Variants in NOXA1 observed in about 807,000 individuals in gnomAD.
The protein encoded by NOXA1 is NADPH oxidase activator 1.
Under a neutral mutation model 64.8 loss-of-function variants are expected in NOXA1, and 56 were observed. The ratio of observed to expected loss-of-function variants is 0.86; its 90% CI spans 0.70 to 1.08. NOXA1 has a LOEUF of 1.08. Among genes scored for constraint, NOXA1 ranks in the 50% least tolerant of loss-of-function variants. The pLI is 0.00. For missense variants in NOXA1, 668 were observed against 658.5 expected (o/e 1.01, Z -0.16); for synonymous variants, 295 against 294.8 (o/e 1.00, Z -0.01).
Position 137,432,642 on chromosome 9 carries a change from T to C in NOXA1, c.805-387T>C, listed in dbSNP as rs148947634. Among the ~76,000 whole-genome samples the C allele has an allele frequency of 3.2e-3, 491 of 152,378 alleles. 3 individuals carry two copies. The highest frequency in any genetic ancestry group is 0.017 in the Middle Eastern group (5 of 294). On this transcript the variant is annotated intron_variant, in intron 8 of 13. Transcript: ENST00000683555. ...CAGCGCTGGGCTGTGACTTTGTGAC[T>C]TGCAGCTGGTGAACTGGTCTCCTGC...
rs189328207 is a variant in NOXA1 at position 137,423,844 on chromosome 9, G to T, written c.177+138G>T. The stretch of plus-strand genomic sequence containing the variant: ...GCGAACGCCCCGGCAGGTGGGAGCC[G>T]AGCAGGGGGGCCGCACCTGAGCTAA... On this transcript the variant is annotated intron_variant, in intron 1 of 13. Transcript: ENST00000683555. The T allele has an allele frequency of 4.2e-3, 2,975 of 716,518 alleles. 69 individuals are homozygous for T. The African/African-American group carries it at 0.05, about 12-fold the overall frequency. 44.4% of individuals were successfully genotyped at this position (716,518 alleles called of 1,614,324 possible). A position where few individuals can be genotyped will look rare whatever the true frequency, so the allele number is the denominator to read the frequency against.
rs1336337950 is a variant in NOXA1, at chr9:137,423,405, C to A, written c.-125C>A. The A allele has an allele frequency of 6.1e-6, 3 of 489,242 alleles. No homozygotes were observed. Among genetic ancestry groups the A allele is most frequent in the Non-Finnish European group, 8.8e-6 (3 of 341,360 alleles). 30.3% of individuals were successfully genotyped at this position (489,242 alleles called of 1,614,324 possible). A position where few individuals can be genotyped will look rare whatever the true frequency, so the allele number is the denominator to read the frequency against. On this transcript the variant is annotated 5_prime_UTR_variant, in exon 1 of 14. Coordinates refer to ENST00000683555, the MANE Select transcript of NOXA1 (RefSeq NM_001256067.2). ...GGCGCCGCGGGGCAGCGGGGTTGCA[C>A]CTGGCGCTTGGCGCCCGCACCTCTG...
chr9:137,428,007 G>A, intron 2 of NOXA1, 26 bp from the exon 3 acceptor site: 2 of 1,514,120 alleles, frequency 1.3e-6, no homozygotes, highest in Non-Finnish European at 9.0e-7. Flanking sequence ...GCCCTGTGCT[G>A]CTGAGGGGAC....
At chr9:137,424,453 A>T (rs1737141373) in intron 1 of NOXA1, among the ~76,000 whole-genome samples, 1 of 152,088 alleles carries the variant, frequency 6.6e-6, no homozygotes, top group East Asian at 1.9e-4. Flanking sequence ...TGTTTGTTTC[A>T]AAGATGGAGT....
chr9:137,431,589 C>T lies in NOXA1; in HGVS notation c.804+248C>T, dbSNP rs1057072547. 6.6e-6 allele frequency among the ~76,000 whole-genome samples: 1 copy of T among 152,212 alleles called. No individual in the cohort carries two copies. Among genetic ancestry groups the T allele is most frequent in the African/African-American group, 2.4e-5 (1 of 41,452 alleles). ...GTGTCCAGTGGAGACATCCACGTAG[C>T]CCTGCAGGCCCTCAGCCCCCAGGAC... On this transcript the variant is annotated intron_variant, in intron 8 of 13. Transcript: ENST00000683555. This position sits in a 1 kb window ranked among gnomAD's most constrained non-coding sequence, Gnocchi z 5.6.
At chr9:137,429,117 T>C in intron 4 of NOXA1, 101 bp downstream of exon 4, 1 of 1,423,018 alleles carries the variant, frequency 7.0e-7, no homozygotes, top group Middle Eastern at 1.9e-4. Flanking sequence ...GAGATGGCCC[T>C]AGTGCCCAGT....
chr9:137,431,183 C>A lies in NOXA1; in HGVS notation c.699-53C>A. The A allele has an allele frequency of 1.2e-6, 2 of 1,609,190 alleles. No individual in the cohort carries two copies. The highest frequency in any genetic ancestry group is 1.7e-4 in the Middle Eastern group (1 of 6,050). Reference sequence around the variant, plus strand: ...TCCACATGGGGCCACGCGGGCCGGGCACAGGAGGGCAGTCAGATGGGCAGG... The same window carrying A: ...TCCACATGGGGCCACGCGGGCCGGGAACAGGAGGGCAGTCAGATGGGCAGG... On this transcript the variant is annotated intron_variant, in intron 7 of 13. Coordinates refer to ENST00000683555, the MANE Select transcript of NOXA1 (RefSeq NM_001256067.2). This position sits in a 1 kb window ranked among gnomAD's most constrained non-coding sequence, Gnocchi z 5.6.
In NOXA1 at chr9:137,428,153, C is replaced by A; in HGVS notation, c.369+12C>A. ...TGCAAGCCTGGGAGGTGAGGCCGGGCAGGGCTCACTGTGCTGCTGGCTGTG... is the reference window on the plus strand; with the variant it reads ...TGCAAGCCTGGGAGGTGAGGCCGGGAAGGGCTCACTGTGCTGCTGGCTGTG... On this transcript the variant is annotated intron_variant, in intron 3 of 13. Transcript: ENST00000683555. The A allele has an allele frequency of 6.5e-7, 1 of 1,543,450 alleles. No individual in the cohort carries two copies. The highest frequency in any genetic ancestry group is 8.8e-7 in the Non-Finnish European group (1 of 1,139,596).
At chr9:137,430,935 C>G (rs768681339) in intron 6 of NOXA1, 92 bp downstream of exon 6, 1 of 1,547,248 alleles carries the variant, frequency 6.5e-7, no homozygotes, top group Non-Finnish European at 8.8e-7. Flanking sequence ...CCTGGGGCTG[C>G]GAAGTTCCTC....
At chr9:137,427,606 C>T (rs1450875399) in intron 2 of NOXA1, among the ~76,000 whole-genome samples, 4 of 152,250 alleles carry the variant, frequency 2.6e-5, no homozygotes, top group South Asian at 2.1e-4. Flanking sequence ...GCGGGAAGCC[C>T]GCCTGGAGGA....
Position 137,426,359 on chromosome 9 carries a change from C to T in NOXA1, c.260+29C>T, listed in dbSNP as rs1429239187. On this transcript the variant is annotated intron_variant, in intron 2 of 13. Coordinates refer to ENST00000683555, the MANE Select transcript of NOXA1 (RefSeq NM_001256067.2). ...AGTACAGGGGTGCCTTGTTCCTTCT[C>T]TGACGGCCCTTTGTCTCCCTGCAGA... The T allele has an allele frequency of 5.0e-6, 8 of 1,594,252 alleles. No individual in the cohort carries two copies. The Admixed American group carries it at 1.3e-4, about 27-fold the overall frequency.
intron 8 of NOXA1, among the ~76,000 whole-genome samples, chr9:137,432,620 C>T (rs1051912200): frequency 4.6e-5 from 7 of 152,226 alleles, no homozygotes; most frequent in Admixed American, 6.5e-5. Context: ...GTCTAGCCAG[C>T]GCTGGGCTGT....
intron 1 of NOXA1, among the ~76,000 whole-genome samples, chr9:137,425,888 A>G (rs1446595039): frequency 1.3e-5 from 2 of 151,444 alleles, no homozygotes; most frequent in African/African-American, 2.4e-5. Flanking sequence ...AAAAAAAAGG[A>G]TTTTTAAAAG....
chr9:137,424,258 T>C (rs1177105003), intron 1 of NOXA1, among the ~76,000 whole-genome samples: 1 of 152,188 alleles, frequency 6.6e-6, no homozygotes, highest in Non-Finnish European at 1.5e-5. Context: ...CCACGGTTAC[T>C]GAAGGCTCGG....
chr9:137,427,988 C>T, intron 2 of NOXA1, 45 bp from the exon 3 acceptor site: 1 of 1,346,922 alleles, frequency 7.4e-7, no homozygotes, highest in Non-Finnish European at 1.0e-6. Context: ...TAACCACAGC[C>T]CCATCTCCGC....
chr9:137,433,729 C>G (rs770941207), intron 11 of NOXA1, 21 bp from the exon 12 acceptor site: 7 of 1,465,942 alleles, frequency 4.8e-6, no homozygotes, highest in South Asian at 2.8e-5. Flanking sequence ...AGGAGGCCCC[C>G]TCTGAGGAAT....
chr9:137,425,146 T>G (rs11562621), intron 1 of NOXA1, among the ~76,000 whole-genome samples: 1 of 151,968 alleles, frequency 6.6e-6, no homozygotes, highest in South Asian at 2.1e-4. Context: ...TGTGTGAACT[T>G]GGTTCAACGA....
chr9:137,426,278 T>C lies in NOXA1; in HGVS notation c.208T>C (p.Cys70Arg), dbSNP rs1481550943. The stretch of plus-strand genomic sequence containing the variant: ...TGACCAAGCCGTGACCAAGGACACC[T>C]GCATGGCGGTTGGCTTCTTCCAGCG... ...AFDQAVTKDTCMAVGFFQRGV... is the reference protein window; with the variant it reads ...AFDQAVTKDTRMAVGFFQRGV... Residue 70 changes from cysteine to arginine, a missense_variant, in exon 2 of 14, where the codon TGC becomes CGC. By Grantham distance (180) the Cys-to-Arg change is radical (BLOSUM62 -3). Transcript: ENST00000683555. 2 of 1,613,824 alleles carry C rather than the reference T, an allele frequency of 1.2e-6. No individual in the cohort carries two copies. Among genetic ancestry groups the C allele is most frequent in the South Asian group, 1.1e-5 (1 of 91,092 alleles).
At chr9:137,430,183 C>T (rs1050630001) in intron 5 of NOXA1, among the ~76,000 whole-genome samples, 3 of 152,048 alleles carry the variant, frequency 2.0e-5, no homozygotes, top group Non-Finnish European at 2.9e-5. Context: ...AGCAAGGTCT[C>T]ACGGGGGCAG....
Sources: gnomAD v4.1 joint callset for allele counts (sites outside exome capture counted in the v4.1 genomes callset) on GRCh38, gnomAD v4.1.1 for gene constraint, Gnocchi (gnomAD v3.1) non-coding constraint, MANE v1.5 for transcripts, NCBI Gene and HGNC (gene_info 2026-07-23, HGNC 2026-07-21) for gene names.